BCO1: variants seen among roughly 807,000 people sequenced by gnomAD.
The protein encoded by BCO1 is beta,beta-carotene 15,15'-dioxygenase.
In BCO1, 54 loss-of-function variants were observed where a neutral mutation model predicts 56.3. The observed-to-expected ratio is 0.96, with a 90% CI of 0.77 to 1.20. The LOEUF (loss-of-function observed/expected upper bound fraction) is 1.20. Among genes scored for constraint, BCO1 ranks in the 50% most tolerant of loss-of-function variants. The pLI is 0.00. For synonymous variants in BCO1, 318 were observed against 266.1 expected (o/e 1.20, Z -1.90); for missense variants, 801 against 690.9 (o/e 1.16, Z -1.79).
chr16:81,270,145 G>C lies in BCO1; in HGVS notation c.844-14G>C. On this transcript the variant is annotated splice_polypyrimidine_tract_variant and intron_variant, in intron 6 of 10. Transcript: ENST00000258168. ...AGAGGGTGAGCTGAGCCCTTGATAT[G>C]TGTCCTTTTTCAGACTTATATCCAC... 1 of 1,614,056 alleles carries C rather than the reference G, an allele frequency of 6.2e-7. No homozygotes were observed. Among genetic ancestry groups the C allele is most frequent in the Non-Finnish European group, 8.5e-7 (1 of 1,180,008 alleles).
intron 5 of BCO1, among the ~76,000 whole-genome samples, chr16:81,266,694 CAG>C (rs1906848543): frequency 6.6e-6 from 1 of 152,136 alleles, no homozygotes; most frequent in African/African-American, 2.4e-5. Flanking sequence ...CTGTGAGGCT[CAG>C]GGGATCAGAT....
rs1906374247 is a variant in BCO1 at position 81,259,824 on chromosome 16, T to G, written c.323+19T>G. The stretch of plus-strand genomic sequence containing the variant: ...TTTCCAAGTAACTGCCTATTTTAAA[T>G]CTGAGCAAATTTCATGCTTTTTGCT... On this transcript the variant is annotated intron_variant, in intron 3 of 10. Coordinates refer to ENST00000258168, the MANE Select transcript of BCO1 (RefSeq NM_017429.3). 2.5e-6 allele frequency: 4 copies of G among 1,614,052 alleles called. No individual in the cohort carries two copies. The highest frequency in any genetic ancestry group is 3.3e-5 in the Admixed American group (2 of 60,002).
At chr16:81,239,728 T>A (rs1290843623) in intron 1 of BCO1, among the ~76,000 whole-genome samples, 1 of 152,210 alleles carries the variant, frequency 6.6e-6, no homozygotes, top group Non-Finnish European at 1.5e-5. Flanking sequence ...CTCACAGGTG[T>A]GAGCTCCTGC....
At chr16:81,290,235 C>G in intron 10 of BCO1, 113 bp from the exon 11 acceptor site, 2 of 886,880 alleles carry the variant, frequency 2.3e-6, no homozygotes, top group Non-Finnish European at 3.7e-6. Context: ...TCACTCCCTC[C>G]TGTTTTGGTT....
In BCO1 at chr16:81,269,406, C is replaced by G. The variant is rs372571786; in HGVS notation, c.844-753C>G. Reference sequence around the variant, plus strand: ...TCCGCCTACGTATCAAGCTATTCTCCTCTCTCAGCCTCCTGAGTAGTTGGG... The same window carrying G: ...TCCGCCTACGTATCAAGCTATTCTCGTCTCTCAGCCTCCTGAGTAGTTGGG... On this transcript the variant is annotated intron_variant, in intron 6 of 10. Transcript: ENST00000258168. Among the ~76,000 whole-genome samples the G allele has an allele frequency of 5.9e-5, 9 of 152,150 alleles. No individual in the cohort carries two copies. The East Asian group carries it at 1.4e-3, about 23-fold the overall frequency.
intron 2 of BCO1, among the ~76,000 whole-genome samples, chr16:81,247,821 C>T (rs777187643): frequency 2.6e-5 from 4 of 151,934 alleles, no homozygotes; most frequent in African/African-American, 7.3e-5. Flanking sequence ...CCACCACGCC[C>T]GGCCCATCCC....
intron 2 of BCO1, among the ~76,000 whole-genome samples, chr16:81,255,975 G>A (rs1906111161): frequency 7.2e-6 from 1 of 139,854 alleles, no homozygotes. Context: ...CAGTACCCCG[G>A]CTAATTTTTT....
intron 7 of BCO1, among the ~76,000 whole-genome samples, chr16:81,271,970 C>G (rs1178303948): frequency 6.6e-6 from 1 of 152,136 alleles, no homozygotes; most frequent in Non-Finnish European, 1.5e-5. Flanking sequence ...CGGTCTTGAA[C>G]TCCTGAACTC....
intron 4 of BCO1, chr16:81,263,956 GAA>G (rs1363414030): frequency 6.4e-6 from 1 of 155,988 alleles, no homozygotes; most frequent in East Asian, 1.9e-4. Context: ...GGAAATGCTG[GAA>G]GAGAAAGGAG....
At chr16:81,268,733 G>A (rs749035852) in intron 6 of BCO1, among the ~76,000 whole-genome samples, 1 of 152,178 alleles carries the variant, frequency 6.6e-6, no homozygotes, top group East Asian at 1.9e-4. Flanking sequence ...GTGTGCATGG[G>A]TGTATGTATG....
At chr16:81,270,633 AC>A (rs1320167169) in intron 7 of BCO1, among the ~76,000 whole-genome samples, 1 of 145,704 alleles carries the variant, frequency 6.9e-6, no homozygotes, top group Non-Finnish European at 1.6e-5. Context: ...CTATAAACCT[AC>A]CACCGAAGAT....
At chr16:81,272,598 C>A (rs1206193398) in intron 7 of BCO1, among the ~76,000 whole-genome samples, 1 of 152,114 alleles carries the variant, frequency 6.6e-6, no homozygotes, top group Non-Finnish European at 1.5e-5. Context: ...CCAGGCCAGA[C>A]ATTATCCCCA....
chr16:81,277,761 G>A (rs1476585141), intron 7 of BCO1, among the ~76,000 whole-genome samples: 2 of 152,250 alleles, frequency 1.3e-5, no homozygotes, highest in African/African-American at 4.8e-5. Flanking sequence ...GATTCTGGCT[G>A]GAAAGTGATG....
chr16:81,249,232 A>G (rs1238933355), intron 2 of BCO1, among the ~76,000 whole-genome samples: 3 of 151,670 alleles, frequency 2.0e-5, no homozygotes, highest in African/African-American at 7.3e-5. Flanking sequence ...CTAGGATTAC[A>G]GGCACATGCC....
intron 8 of BCO1, 44 bp from the exon 9 acceptor site, chr16:81,285,496 C>G: frequency 7.1e-7 from 1 of 1,402,766 alleles, no homozygotes; most frequent in Non-Finnish European, 1.0e-6. Context: ...ATGCTCCCAG[C>G]CCCCAATGAT....
intron 2 of BCO1, among the ~76,000 whole-genome samples, chr16:81,247,676 G>A (rs985662034): frequency 3.3e-5 from 5 of 151,790 alleles, no homozygotes; most frequent in South Asian, 2.1e-4. Context: ...ACAGGGATGC[G>A]CCACCATACT....
intron 5 of BCO1, among the ~76,000 whole-genome samples, chr16:81,267,576 A>G (rs1906904646): frequency 6.6e-6 from 1 of 152,146 alleles, no homozygotes; most frequent in Non-Finnish European, 1.5e-5. Flanking sequence ...TCGTGCCCCT[A>G]CATTCCAGTC....
chr16:81,283,596 T>C (rs1277647612), intron 8 of BCO1, among the ~76,000 whole-genome samples: 2 of 152,028 alleles, frequency 1.3e-5, no homozygotes, highest in Admixed American at 6.6e-5. Context: ...CTTATCTAAG[T>C]ATGGGAGTGT....
intron 2 of BCO1, among the ~76,000 whole-genome samples, chr16:81,258,915 G>T (rs907278124): frequency 3.3e-5 from 5 of 152,094 alleles, no homozygotes; most frequent in Non-Finnish European, 7.4e-5. Flanking sequence ...GGCAAAGGGG[G>T]AGCAGGCATG....
Sources: gnomAD v4.1 joint callset for allele counts (sites outside exome capture counted in the v4.1 genomes callset) on GRCh38, gnomAD v4.1.1 for gene constraint, MANE v1.5 for transcripts, NCBI Gene and HGNC (gene_info 2026-07-23, HGNC 2026-07-21) for gene names.